AMPH: variants seen among roughly 807,000 people sequenced by gnomAD.
AMPH encodes the protein amphiphysin.
AMPH carries 49 observed loss-of-function variants against 99.1 expected under a neutral mutation model. That is an observed-to-expected ratio of 0.49 (90% CI 0.39 to 0.63). The LOEUF (loss-of-function observed/expected upper bound fraction) is 0.63. Among genes scored for constraint, AMPH ranks in the 20% least tolerant of loss-of-function variants. The pLI, the probability that AMPH is intolerant of heterozygous loss-of-function variation, is 0.00. For missense variants in AMPH, 759 were observed against 863.4 expected (o/e 0.88, Z 1.52); for synonymous variants, 314 against 317.3 (o/e 0.99, Z 0.11).
chr7:38,556,906 TG>T (rs1263907847), intron 1 of AMPH, among the ~76,000 whole-genome samples: 10 of 152,166 alleles, frequency 6.6e-5, no homozygotes, highest in African/African-American at 2.4e-4. Context: ...GCTCAGTATC[TG>T]GGCGTACATA....
In AMPH at chr7:38,528,959, T is replaced by G. The variant is rs932710647; in HGVS notation, c.150+5972A>C. 9.9e-5 allele frequency among the ~76,000 whole-genome samples: 15 copies of G among 152,220 alleles called. No homozygotes were observed. The East Asian group carries it at 2.7e-3, about 27-fold the overall frequency. On this transcript the variant is annotated intron_variant, in intron 2 of 20. Coordinates refer to ENST00000356264, the MANE Select transcript of AMPH (RefSeq NM_001635.4). ...GAACCTGGTTTTCCAGATAATCAATTTTTTTCCCAGGACCCTAAGTCCAGA... is the reference window on the plus strand; with the variant it reads ...GAACCTGGTTTTCCAGATAATCAATGTTTTTCCCAGGACCCTAAGTCCAGA...
At chr7:38,621,553 TA>T (rs1346911010) in intron 1 of AMPH, among the ~76,000 whole-genome samples, 1 of 152,202 alleles carries the variant, frequency 6.6e-6, no homozygotes, top group Non-Finnish European at 1.5e-5. Context: ...AAAGTGCATT[TA>T]TGCATGGGTC....
At chr7:38,437,937 T>C (rs186167235) in intron 11 of AMPH, among the ~76,000 whole-genome samples, 7 of 152,358 alleles carry the variant, frequency 4.6e-5, no homozygotes, top group Admixed American at 3.9e-4. Flanking sequence ...TTTTCTATTC[T>C]GCAGCACAGT....
intron 3 of AMPH, 143 bp downstream of exon 3, chr7:38,503,507 T>TG (rs1789221665): frequency 6.8e-6 from 3 of 443,434 alleles, no homozygotes; most frequent in Non-Finnish European, 7.7e-6. Context: ...GGGGGGTGGG[T>TG]GGTGGAATGG....
chr7:38,407,340 T>TCTCTCC (rs1785073295), intron 17 of AMPH, among the ~76,000 whole-genome samples: 1 of 150,314 alleles, frequency 6.7e-6, no homozygotes, highest in Non-Finnish European at 1.5e-5. Context: ...GGAAAATCTC[T>TCTCTCC]CTCTCTCTCT....
chr7:38,482,898 TC>T (rs1036865676), intron 5 of AMPH, among the ~76,000 whole-genome samples: 25 of 152,106 alleles, frequency 1.6e-4, no homozygotes, highest in Non-Finnish European at 4.4e-5. Flanking sequence ...GGACTCTCCT[TC>T]CCCACAAACA....
At position 38,395,756 on chromosome 7, in the gene AMPH, T is replaced by G. The variant is rs1050279735; in HGVS notation, c.1399-1542A>C. On this transcript the variant is annotated intron_variant, in intron 17 of 20. Coordinates refer to ENST00000356264, the MANE Select transcript of AMPH (RefSeq NM_001635.4). ...TAGGAAGGCCCTAATATTGCAAATATTAACTTTCAAACTCAGAAAACAGAA... is the reference window on the plus strand; with the variant it reads ...TAGGAAGGCCCTAATATTGCAAATAGTAACTTTCAAACTCAGAAAACAGAA... 5.9e-5 allele frequency among the ~76,000 whole-genome samples: 9 copies of G among 152,208 alleles called. No individual in the cohort carries two copies. In the South Asian group the frequency reaches 1.9e-3, roughly 31 times the overall value.
In AMPH at chr7:38,463,115, T is replaced by C; in HGVS notation, c.750-2A>G. On this transcript the variant is annotated splice_acceptor_variant, in intron 9 of 20. Coordinates refer to ENST00000356264, the MANE Select transcript of AMPH (RefSeq NM_001635.4). LOFTEE classifies it high-confidence loss of function. The stretch of plus-strand genomic sequence containing the variant: ...GCAATGCGGAGAGGACCCGAATCAC[T>C]AGAGGAACACAGGGGATTGGGCAAG... The C allele has an allele frequency of 6.2e-7, 1 of 1,613,914 alleles. No individual in the cohort carries two copies. Among genetic ancestry groups the C allele is most frequent in the Non-Finnish European group, 8.5e-7 (1 of 1,179,854 alleles).
At chr7:38,623,239 T>A (rs1281348643) in intron 1 of AMPH, among the ~76,000 whole-genome samples, 1 of 152,218 alleles carries the variant, frequency 6.6e-6, no homozygotes, top group Non-Finnish European at 1.5e-5. Context: ...ATCTCAGCTA[T>A]GACAAGTTGT....
At chr7:38,448,410 A>G (rs530625872) in intron 11 of AMPH, among the ~76,000 whole-genome samples, 27 of 152,354 alleles carry the variant, frequency 1.8e-4, no homozygotes, top group Non-Finnish European at 4.0e-4. Context: ...AATGGTACAG[A>G]TAGTACTGAA....
chr7:38,488,002 A>T (rs1788574189), intron 5 of AMPH, among the ~76,000 whole-genome samples: 1 of 152,238 alleles, frequency 6.6e-6, no homozygotes, highest in East Asian at 1.9e-4. Flanking sequence ...TAGAATGGCG[A>T]TCAATAAAAA....
Position 38,407,817 on chromosome 7 carries a change from G to A in AMPH, c.1398+10008C>T, listed in dbSNP as rs138288493. Among the ~76,000 whole-genome samples, 5 of 152,232 alleles carry A rather than the reference G, an allele frequency of 3.3e-5. 1 individual carries two copies. Among genetic ancestry groups the A allele is most frequent in the African/African-American group, 1.2e-4 (5 of 41,540 alleles). On this transcript the variant is annotated intron_variant, in intron 17 of 20. Transcript: ENST00000356264. ...GCTCTTACAGAGACATTTGACTACA[G>A]GACCACTGAATTCAAGGCTTACTGA...
chr7:38,438,703 A>G (rs1379302157), intron 11 of AMPH, among the ~76,000 whole-genome samples: 2 of 152,180 alleles, frequency 1.3e-5, no homozygotes, highest in African/African-American at 4.8e-5. Flanking sequence ...TTATACCCCA[A>G]TTTTACCACT....
chr7:38,473,643 G>C (rs1170153183), intron 7 of AMPH, among the ~76,000 whole-genome samples: 1 of 63,866 alleles, frequency 1.6e-5, no homozygotes, highest in African/African-American at 7.2e-5. Context: ...AGCGGAGCTT[G>C]CAGTGAGCCG....
At chr7:38,422,516 G>A in intron 15 of AMPH, 39 bp from the exon 16 acceptor site, 5 of 1,517,654 alleles carry the variant, frequency 3.3e-6, no homozygotes, top group Non-Finnish European at 1.8e-6. Flanking sequence ...GTTTTTTAAA[G>A]ATATTTAAAT....
chr7:38,567,859 C>A (rs1193245072), intron 1 of AMPH, among the ~76,000 whole-genome samples: 1 of 152,082 alleles, frequency 6.6e-6, no homozygotes, highest in Admixed American at 6.5e-5. Context: ...TTATGACTCT[C>A]CATTTGAATC....
intron 1 of AMPH, among the ~76,000 whole-genome samples, chr7:38,553,171 C>T (rs1791238339): frequency 6.6e-6 from 1 of 152,360 alleles, no homozygotes; most frequent in Middle Eastern, 3.4e-3. Flanking sequence ...GTACCATTTT[C>T]TCTCCTTGCC....
At chr7:38,418,384 A>G (rs1785464310) in intron 16 of AMPH, among the ~76,000 whole-genome samples, 1 of 152,208 alleles carries the variant, frequency 6.6e-6, no homozygotes, top group Non-Finnish European at 1.5e-5. Flanking sequence ...AGGAGGACCC[A>G]CAATTACTTG....
At chr7:38,584,525 G>A (rs1006942692) in intron 1 of AMPH, among the ~76,000 whole-genome samples, 5 of 152,186 alleles carry the variant, frequency 3.3e-5, no homozygotes, top group Admixed American at 6.5e-5. Flanking sequence ...CGTCCATGAG[G>A]GGATGTCCCC....
Sources: gnomAD v4.1 joint callset for allele counts (sites outside exome capture counted in the v4.1 genomes callset) on GRCh38, gnomAD v4.1.1 for gene constraint, MANE v1.5 for transcripts, NCBI Gene and HGNC (gene_info 2026-07-23, HGNC 2026-07-21) for gene names.